Variants in FMNL3 observed in about 807,000 individuals in gnomAD.
FMNL3 encodes formin-like protein 3.
A neutral mutation model predicts 119.6 loss-of-function variants in FMNL3; 57 were observed. The ratio of observed to expected loss-of-function variants is 0.48; its 90% CI spans 0.39 to 0.59. The LOEUF (loss-of-function observed/expected upper bound fraction) is 0.59, where lower values mean the gene tolerates loss of function less well. Among genes scored for constraint, FMNL3 ranks in the 20% least tolerant of loss-of-function variants. The pLI, the probability that FMNL3 is intolerant of heterozygous loss-of-function variation, is 0.00. For missense variants in FMNL3, 1,053 were observed against 1,323.5 expected, an observed-to-expected ratio of 0.80 and a Z score of 3.17; for synonymous variants, 491 against 507.3, an observed-to-expected ratio of 0.97 and a Z score of 0.43.
Position 49,637,407 on chromosome 12 carries a change from C to T in FMNL3, c.*8408G>A. 5 of 1,135,494 alleles carry T rather than the reference C, an allele frequency of 4.4e-6. No individual in the cohort carries two copies. The highest frequency in any genetic ancestry group is 6.6e-6 in the Non-Finnish European group (5 of 757,804). 70.3% of individuals were successfully genotyped at this position (1,135,494 alleles called of 1,614,324 possible). On this transcript the variant is annotated 3_prime_UTR_variant, in exon 26 of 26. Transcript: ENST00000335154. ...CTTCCTCTGCCATTCCCTCTCTTCC[C>T]CCTCAGTCTGTGGCTCTGCCTCCCT...
At position 49,637,000 on chromosome 12, in the gene FMNL3, TG is replaced by T; in HGVS notation, c.*8814del. ...ATGAGACCTCTCTCTGCCTGCAGTC[TG>T]TTTCTGCTGTACCTCCTCAATTCTG... On this transcript the variant is annotated 3_prime_UTR_variant, in exon 26 of 26. Coordinates refer to ENST00000335154, the MANE Select transcript of FMNL3 (RefSeq NM_175736.5). 1 of 1,145,610 alleles carries T rather than the reference TG, an allele frequency of 8.7e-7. No homozygotes were observed. The allele number at this position is 1,145,610 out of a possible 1,614,324, so 71.0% of individuals were successfully genotyped here.
intron 25 of FMNL3, chr12:49,646,597 G>A (rs76862171): frequency 0.024 from 33,989 of 1,426,418 alleles, 525 homozygotes; most frequent in African/African-American, 0.057. Flanking sequence ...CAGGAATCCT[G>A]GGAGACGGGC....
intron 2 of FMNL3, among the ~76,000 whole-genome samples, chr12:49,668,206 C>A (rs935165807): frequency 2.0e-5 from 3 of 151,008 alleles, no homozygotes; most frequent in African/African-American, 7.3e-5. Flanking sequence ...AATCCTATAC[C>A]CCTGATCTAC....
chr12:49,697,381 T>G (rs1314336036), intron 1 of FMNL3, among the ~76,000 whole-genome samples: 1 of 152,194 alleles, frequency 6.6e-6, no homozygotes, highest in Non-Finnish European at 1.5e-5. Flanking sequence ...TCTTGAAGCT[T>G]CATCCTCAAT....
Position 49,645,091 on chromosome 12 carries a change from C to T in FMNL3, c.*724G>A, listed in dbSNP as rs780615577. On this transcript the variant is annotated 3_prime_UTR_variant, in exon 26 of 26. Coordinates refer to ENST00000335154, the MANE Select transcript of FMNL3 (RefSeq NM_175736.5). ...AGCAAATAGCCAAGACCACCATGCT[C>T]CTTGTCCCCTGCCAAAAAAAAAAAA... 7.1e-6 allele frequency: 1 copy of T among 141,436 alleles called. No homozygotes were observed. Among genetic ancestry groups the T allele is most frequent in the Non-Finnish European group, 1.5e-5 (1 of 66,816 alleles). The allele number at this position is 141,436 out of a possible 1,614,324, so 8.8% of individuals were successfully genotyped here. A position where few individuals can be genotyped will look rare whatever the true frequency, so the allele number is the denominator to read the frequency against.
chr12:49,637,114 G>A lies in FMNL3; in HGVS notation c.*8701C>T. 1.7e-6 allele frequency: 1 copy of A among 593,178 alleles called. No individual in the cohort carries two copies. The highest frequency in any genetic ancestry group is 2.9e-6 in the Non-Finnish European group (1 of 339,030). The allele number at this position is 593,178 out of a possible 1,614,324, so 36.7% of individuals were successfully genotyped here. ...CCTACAGGCATGACTTGGCAGCTAG[G>A]CCATGTTTATTTCCCTTGGTGGGGC... On this transcript the variant is annotated 3_prime_UTR_variant, in exon 26 of 26. Coordinates refer to ENST00000335154, the MANE Select transcript of FMNL3 (RefSeq NM_175736.5).
Position 49,637,448 on chromosome 12 carries a change from T to C in FMNL3, c.*8367A>G. The C allele has an allele frequency of 6.4e-7, 1 of 1,569,574 alleles. No individual in the cohort carries two copies. Among genetic ancestry groups the C allele is most frequent in the Non-Finnish European group, 8.8e-7 (1 of 1,141,666 alleles). ...CTGCCTCCCTGTCTCACTCTCCCTA[T>C]AACTGGCCTCTCCCTGCTCAGACCT... On this transcript the variant is annotated 3_prime_UTR_variant, in exon 26 of 26. Transcript: ENST00000335154.
chr12:49,695,607 C>T (rs1442440499), intron 1 of FMNL3, among the ~76,000 whole-genome samples: 1 of 152,188 alleles, frequency 6.6e-6, no homozygotes, highest in African/African-American at 2.4e-5. Context: ...CAAATGTTAA[C>T]TGTCTTTCCT....
At chr12:49,660,244 CTTT>C (rs1565876136) in intron 5 of FMNL3, among the ~76,000 whole-genome samples, 1 of 152,148 alleles carries the variant, frequency 6.6e-6, no homozygotes, top group Admixed American at 6.6e-5. Context: ...CAAAGTCCTT[CTTT>C]TTTAAAAACA....
chr12:49,655,760 A>G (rs1367975993), intron 9 of FMNL3, among the ~76,000 whole-genome samples: 2 of 152,264 alleles, frequency 1.3e-5, no homozygotes, highest in East Asian at 3.9e-4. Context: ...AGGAAGAGCC[A>G]TTTCCTGGCT....
chr12:49,697,090 A>T (rs1944770696), intron 1 of FMNL3, among the ~76,000 whole-genome samples: 1 of 152,244 alleles, frequency 6.6e-6, no homozygotes, highest in Non-Finnish European at 1.5e-5. Context: ...CTGTTACCCA[A>T]AAGATTGAGA....
chr12:49,668,015 A>T (rs889346821), intron 2 of FMNL3, among the ~76,000 whole-genome samples: 24 of 152,220 alleles, frequency 1.6e-4, no homozygotes, highest in African/African-American at 4.8e-4. Flanking sequence ...TCATGCAGAG[A>T]GAGTTTCCAG....
intron 22 of FMNL3, 93 bp downstream of exon 22, chr12:49,648,100 G>T: frequency 1.4e-6 from 2 of 1,391,214 alleles, no homozygotes; most frequent in South Asian, 1.4e-5. Flanking sequence ...CCAGCTGCTT[G>T]ATTTAAAAAA....
intron 5 of FMNL3, 77 bp downstream of exon 5, chr12:49,661,889 C>A (rs1011905258): frequency 4.5e-6 from 6 of 1,335,818 alleles, no homozygotes; most frequent in Admixed American, 1.7e-5. Flanking sequence ...TGAACTCTCA[C>A]CCTTCCTTAT....
chr12:49,662,046 C>T lies in FMNL3; in HGVS notation c.372G>A (p.Trp124Ter). Residue 124 changes from tryptophan (W) to a stop codon, truncating the protein, a stop_gained, in exon 5 of 26, where the codon TGG becomes TGA. Transcript: ENST00000335154. LOFTEE classifies it high-confidence loss of function. ...EISLRTNHIGWVREFLNDENK... is the reference protein window; with the variant it reads ...EISLRTNHIG ...TTTCATCATTCAGAAATTCCCGCACCCACCTGCAGATAAAGGAAACACAGT... is the reference window on the plus strand; with the variant it reads ...TTTCATCATTCAGAAATTCCCGCACTCACCTGCAGATAAAGGAAACACAGT... The T allele has an allele frequency of 6.2e-7, 1 of 1,614,114 alleles. No homozygotes were observed. Among genetic ancestry groups the T allele is most frequent in the South Asian group, 1.1e-5 (1 of 91,082 alleles).
rs779545616 is a variant in FMNL3, at chr12:49,648,263, A to C, written c.2606T>G (p.Val869Gly). The change falls in exon 22 of 26, where the codon GTC (valine) becomes GGC (glycine). Residue 869 changes from valine (V) to glycine (G), a missense_variant. This residue lies in a region of FMNL3 where 324 missense variants were observed against 380.9 expected (regional missense o/e 0.85). Coordinates refer to ENST00000335154, the MANE Select transcript of FMNL3 (RefSeq NM_175736.5). Reference protein sequence around the residue: ...RRECSIHDNSVLRNFLSTNEG... With the variant: ...RRECSIHDNSGLRNFLSTNEG... The stretch of plus-strand genomic sequence containing the variant: ...ATTGGTACTGAGGAAGTTCCGGAGG[A>C]CGCTGTTGTCATGGATGCTGCACTC... The C allele has an allele frequency of 1.9e-6, 3 of 1,613,952 alleles. No homozygotes were observed. The South Asian group carries it at 3.3e-5, about 18-fold the overall frequency.
intron 1 of FMNL3, among the ~76,000 whole-genome samples, chr12:49,702,124 C>G (rs1292300527): frequency 6.6e-6 from 1 of 151,354 alleles, no homozygotes; most frequent in Admixed American, 6.6e-5. Flanking sequence ...GGCAACAAAG[C>G]AAGACCCCAT....
Position 49,647,079 on chromosome 12 carries a change from G to A in FMNL3, c.2872-70C>T. ...ATGTGGGACTGGTTCCTGCCCCAAG[G>A]TGCAGTCTGAGGATGCCACTGCTTG... On this transcript the variant is annotated intron_variant, in intron 24 of 25. Coordinates refer to ENST00000335154, the MANE Select transcript of FMNL3 (RefSeq NM_175736.5). The surrounding 1 kb of genome is among the most constrained non-coding windows in gnomAD (Gnocchi z 4.9). 6.2e-7 allele frequency: 1 copy of A among 1,605,992 alleles called. No individual in the cohort carries two copies.
intron 1 of FMNL3, among the ~76,000 whole-genome samples, chr12:49,689,941 C>G (rs1944559296): frequency 6.6e-6 from 1 of 152,304 alleles, no homozygotes; most frequent in South Asian, 2.1e-4. Context: ...ACTAAATCCC[C>G]TGTCCTCCTT....
Sources: allele counts gnomAD v4.1 joint callset (sites outside exome capture counted in the v4.1 genomes callset), GRCh38; gene constraint gnomAD v4.1.1; regional missense constraint gnomAD v4.1.1; non-coding constraint Gnocchi (gnomAD v3.1); transcripts MANE v1.5; gene names NCBI Gene and HGNC (gene_info 2026-07-23, HGNC 2026-07-21).